The following CAPZB variants were observed in gnomAD, a reference collection of about 807,000 sequenced individuals.
The protein encoded by CAPZB is capping actin protein of muscle Z-line subunit beta.
Under a neutral mutation model 38.1 loss-of-function variants are expected in CAPZB, and 2 were observed. That is an observed-to-expected ratio of 0.05 (90% CI 0.02 to 0.17). CAPZB has a LOEUF of 0.17. Ranked by LOEUF, CAPZB falls within the 10% of genes least tolerant of loss-of-function variation. CAPZB has a pLI of 1.00. For missense variants in CAPZB, 161 were observed against 334.2 expected, an observed-to-expected ratio of 0.48 and a Z score of 4.04; for synonymous variants, 107 against 127.4, an observed-to-expected ratio of 0.84 and a Z score of 1.08.
intron 2 of CAPZB, among the ~76,000 whole-genome samples, chr1:19,400,712 A>G (rs897200803): frequency 2.0e-4 from 30 of 152,188 alleles, no homozygotes; most frequent in African/African-American, 7.0e-4. Context: ...GCTTCCAACA[A>G]CAACAGGAGT....
intron 1 of CAPZB, among the ~76,000 whole-genome samples, chr1:19,453,853 G>C (rs1308540024): frequency 6.6e-6 from 1 of 152,226 alleles, no homozygotes; most frequent in Admixed American, 6.5e-5. Flanking sequence ...GGGCTAGGCA[G>C]TGAAATGCAC....
rs578114749 is a variant in CAPZB at position 19,339,887 on chromosome 1, C to T, written c.732-270G>A. 7.9e-5 allele frequency among the ~76,000 whole-genome samples: 12 copies of T among 152,334 alleles called. No individual in the cohort carries two copies. In the East Asian group the frequency reaches 1.7e-3, roughly 22 times the overall value. On this transcript the variant is annotated intron_variant, in intron 8 of 8. Transcript: ENST00000264202. ...GGTGCTCATCTCTGCCCCTGGCCAC[C>T]GGTGACCCGGCCATAGTCCCTAGAA...
At chr1:19,342,960 G>T in intron 8 of CAPZB, 1 of 786,296 alleles carries the variant, frequency 1.3e-6, no homozygotes, top group Non-Finnish European at 2.2e-6. Flanking sequence ...AATTCAGGGA[G>T]ACCCACGAGG....
At chr1:19,407,761 C>T (rs1402129742) in intron 2 of CAPZB, among the ~76,000 whole-genome samples, 3 of 152,094 alleles carry the variant, frequency 2.0e-5, no homozygotes, top group East Asian at 1.9e-4. Flanking sequence ...CCAGGGCTTC[C>T]GAAGACTTTC....
At chr1:19,385,437 G>A (rs1193778554) in intron 3 of CAPZB, 68 bp downstream of exon 3, 3 of 1,597,976 alleles carry the variant, frequency 1.9e-6, no homozygotes, top group East Asian at 2.2e-5. Context: ...CCCGTGCTCT[G>A]CAGCAGGTAC....
In CAPZB at chr1:19,357,670, C is replaced by T. The variant is rs552762499; in HGVS notation, c.330-107G>A. On this transcript the variant is annotated intron_variant, in intron 4 of 8. Coordinates refer to ENST00000264202, the MANE Select transcript of CAPZB (RefSeq NM_004930.5). The surrounding 1 kb of genome is among the most constrained non-coding windows in gnomAD (Gnocchi z 4.3). ...ATTCTGGGATTCAGGGCCCTCCCTG[C>T]GACAGTTATGGGAGCCGATCCTTGG... is the stretch of plus-strand genomic sequence containing the variant. The T allele has an allele frequency of 7.4e-6, 8 of 1,086,988 alleles. No homozygotes were observed. The highest frequency in any genetic ancestry group is 4.3e-5 in the Admixed American group (2 of 46,252). 67.3% of individuals were successfully genotyped at this position (1,086,988 alleles called of 1,614,324 possible). A position where few individuals can be genotyped will look rare whatever the true frequency, so the allele number is the denominator to read the frequency against.
At chr1:19,475,543 G>C (rs1413652777) in intron 1 of CAPZB, among the ~76,000 whole-genome samples, 1 of 152,218 alleles carries the variant, frequency 6.6e-6, no homozygotes, top group African/African-American at 2.4e-5. Flanking sequence ...CCGCTCAAGA[G>C]AGCACTGCCC....
At chr1:19,480,941 T>A (rs80234209) in intron 1 of CAPZB, among the ~76,000 whole-genome samples, 1 of 152,196 alleles carries the variant, frequency 6.6e-6, no homozygotes, top group Non-Finnish European at 1.5e-5. Flanking sequence ...ATACACCCCT[T>A]TGCACACTTT....
intron 1 of CAPZB, among the ~76,000 whole-genome samples, chr1:19,450,683 C>T (rs2094513090): frequency 6.6e-6 from 1 of 152,174 alleles, no homozygotes; most frequent in South Asian, 2.1e-4. Context: ...AAAAGAGAAG[C>T]TGGGCACAAG....
intron 2 of CAPZB, among the ~76,000 whole-genome samples, chr1:19,393,769 G>C (rs574872126): frequency 1.3e-5 from 2 of 152,346 alleles, no homozygotes; most frequent in South Asian, 4.1e-4. Context: ...TGCAGGGCTG[G>C]GCTCTCCTGC....
chr1:19,483,970 C>A (rs1171729666), intron 1 of CAPZB, among the ~76,000 whole-genome samples: 1 of 152,200 alleles, frequency 6.6e-6, no homozygotes, highest in Non-Finnish European at 1.5e-5. Flanking sequence ...TACAAACATG[C>A]TCCAAAAATC....
rs564849816 is a variant in CAPZB at position 19,477,931 on chromosome 1, C to G, written c.3+7505G>C. 3.9e-5 allele frequency among the ~76,000 whole-genome samples: 6 copies of G among 152,252 alleles called. No individual in the cohort carries two copies. In the South Asian group the frequency reaches 1.2e-3, roughly 32 times the overall value. On this transcript the variant is annotated intron_variant, in intron 1 of 8. Transcript: ENST00000264202. ...AGTACTTCACTTGGTAAATACGATG[C>G]CTGAATCCACTTACTAGGGCTCTGA...
intron 1 of CAPZB, among the ~76,000 whole-genome samples, chr1:19,471,607 G>A (rs1368006538): frequency 2.6e-5 from 4 of 152,120 alleles, no homozygotes; most frequent in South Asian, 2.1e-4. Context: ...GCTCACACCT[G>A]TAATCCCAGC....
intron 1 of CAPZB, among the ~76,000 whole-genome samples, chr1:19,480,798 C>T (rs1398483505): frequency 3.3e-5 from 5 of 152,136 alleles, no homozygotes; most frequent in Admixed American, 6.5e-5. Context: ...GTAAGTTGTG[C>T]GTTCAAGGCA....
chr1:19,452,836 C>T (rs911600806), intron 1 of CAPZB, among the ~76,000 whole-genome samples: 2 of 144,618 alleles, frequency 1.4e-5, no homozygotes, highest in African/African-American at 5.1e-5. Context: ...TGGAGTCTCA[C>T]TCTGTCGCCC....
At chr1:19,351,231 T>C (rs1256338492) in intron 6 of CAPZB, among the ~76,000 whole-genome samples, 2 of 152,250 alleles carry the variant, frequency 1.3e-5, no homozygotes, top group Non-Finnish European at 2.9e-5. Flanking sequence ...TCCACCTGCC[T>C]TGGCCTCCCA....
chr1:19,403,027 C>T (rs1570148514), intron 2 of CAPZB, among the ~76,000 whole-genome samples: 1 of 151,586 alleles, frequency 6.6e-6, no homozygotes, highest in East Asian at 1.9e-4. Flanking sequence ...CCAGCCTGGG[C>T]AACAAGAACA....
chr1:19,386,354 A>G (rs16862719), intron 2 of CAPZB, among the ~76,000 whole-genome samples: 2,676 of 152,276 alleles, frequency 0.018, 77 homozygotes, highest in African/African-American at 0.061. Context: ...TCAAACATCA[A>G]TTTCTACCAA....
chr1:19,434,951 TAA>T (rs57791988), intron 1 of CAPZB, among the ~76,000 whole-genome samples: 107,149 of 140,700 alleles, frequency 0.76, 38,863 homozygotes, highest in Middle Eastern at 0.81. Flanking sequence ...AGGGGCCTGA[TAA>T]TCAAGTCAGT....
Sources: gnomAD v4.1 joint callset for allele counts (sites outside exome capture counted in the v4.1 genomes callset) on GRCh38, gnomAD v4.1.1 for gene constraint, Gnocchi (gnomAD v3.1) non-coding constraint, MANE v1.5 for transcripts, NCBI Gene and HGNC (gene_info 2026-07-23, HGNC 2026-07-21) for gene names.